The following KCNIP4 variants were observed in gnomAD, a reference collection of about 807,000 sequenced individuals.
The protein encoded by KCNIP4 is potassium voltage-gated channel interacting protein 4.
KCNIP4 carries 12 observed loss-of-function variants against 34.0 expected under a neutral mutation model. That is an observed-to-expected ratio of 0.35 (90% CI 0.23 to 0.57). The LOEUF (loss-of-function observed/expected upper bound fraction) is 0.57, where lower values mean the gene tolerates loss of function less well. KCNIP4 is among the 20% of genes least tolerant of loss of function. KCNIP4 has a pLI of 0.83. For synonymous variants in KCNIP4, 124 were observed against 102.2 expected, an observed-to-expected ratio of 1.21 and a Z score of -1.29; for missense variants, 238 against 311.7, an observed-to-expected ratio of 0.76 and a Z score of 1.78.
At chr4:21,095,315 A>G (rs1174326779) in intron 1 of KCNIP4, among the ~76,000 whole-genome samples, 1 of 152,216 alleles carries the variant, frequency 6.6e-6, no homozygotes, top group Admixed American at 6.5e-5. Flanking sequence ...GCTTCATTCC[A>G]CTAGCATATA....
intron 1 of KCNIP4, among the ~76,000 whole-genome samples, chr4:21,499,466 CA>C (rs1343028706): frequency 6.6e-6 from 1 of 151,850 alleles, no homozygotes; most frequent in Non-Finnish European, 1.5e-5. Flanking sequence ...TCTGTGGTAG[CA>C]TAAATGCTGA....
chr4:21,452,782 A>G (rs1185336431), intron 1 of KCNIP4, among the ~76,000 whole-genome samples: 2 of 151,790 alleles, frequency 1.3e-5, no homozygotes, highest in East Asian at 1.9e-4. Context: ...AAAAAAAAAA[A>G]AGAGAAGGAA....
At chr4:21,803,653 T>G (rs1197093834) in intron 1 of KCNIP4, among the ~76,000 whole-genome samples, 5 of 152,132 alleles carry the variant, frequency 3.3e-5, no homozygotes, top group Non-Finnish European at 7.4e-5. Flanking sequence ...CTCAGGTCCT[T>G]TCCCTTTGCC....
chr4:21,032,890 T>C (rs184533827), intron 1 of KCNIP4, among the ~76,000 whole-genome samples: 128 of 152,010 alleles, frequency 8.4e-4, no homozygotes, highest in Non-Finnish European at 1.6e-3. Flanking sequence ...TTTAAGAAAA[T>C]AGACTCTGCA....
intron 1 of KCNIP4, among the ~76,000 whole-genome samples, chr4:21,291,917 AAG>A (rs1444294539): frequency 4.4e-5 from 4 of 90,092 alleles, no homozygotes; most frequent in Non-Finnish European, 7.9e-5. Context: ...GAAAGAAAGA[AAG>A]AAAGAAAGAA....
rs549620860 is a variant in KCNIP4 at position 20,810,932 on chromosome 4, G to A, written c.288+39611C>T. Among the ~76,000 whole-genome samples the A allele has an allele frequency of 9.9e-5, 15 of 152,214 alleles. 1 individual carries two copies. Among genetic ancestry groups the A allele is most frequent in the South Asian group, 4.1e-4 (2 of 4,820 alleles). On this transcript the variant is annotated intron_variant, in intron 3 of 8. Coordinates refer to ENST00000382152, the MANE Select transcript of KCNIP4 (RefSeq NM_025221.6). Reference sequence around the variant, plus strand: ...GCCTTCAGGGATTTGGGAAGTTAGCGTACTGGGACAGAGGCATTGATGATA... The same window carrying A: ...GCCTTCAGGGATTTGGGAAGTTAGCATACTGGGACAGAGGCATTGATGATA...
intron 4 of KCNIP4, among the ~76,000 whole-genome samples, chr4:20,756,634 C>T (rs1754486566): frequency 6.6e-6 from 1 of 151,864 alleles, no homozygotes; most frequent in Non-Finnish European, 1.5e-5. Context: ...TGCAATTTGG[C>T]TTCTGCTTGT....
intron 1 of KCNIP4, among the ~76,000 whole-genome samples, chr4:21,748,808 A>G (rs945220430): frequency 3.3e-5 from 5 of 152,126 alleles, no homozygotes; most frequent in African/African-American, 1.2e-4. Flanking sequence ...TTTCTGATTG[A>G]AAAAAATAAA....
At chr4:21,621,113 G>A (rs1276576693) in intron 1 of KCNIP4, among the ~76,000 whole-genome samples, 1 of 152,154 alleles carries the variant, frequency 6.6e-6, no homozygotes, top group African/African-American at 2.4e-5. Flanking sequence ...CAAGCAAAAA[G>A]CAATAAATAG....
chr4:20,971,992 ACTG>A (rs1734999823), intron 1 of KCNIP4, among the ~76,000 whole-genome samples: 1 of 152,184 alleles, frequency 6.6e-6, no homozygotes, highest in Non-Finnish European at 1.5e-5. Flanking sequence ...ATCTCAAGAA[ACTG>A]CTTTCTTTGT....
chr4:21,290,788 G>A (rs1307748779), intron 1 of KCNIP4, among the ~76,000 whole-genome samples: 1 of 152,170 alleles, frequency 6.6e-6, no homozygotes, highest in Non-Finnish European at 1.5e-5. Context: ...CATTGGTTAT[G>A]ACAGAGCCTT....
At chr4:20,778,180 G>C (rs1283031999) in intron 3 of KCNIP4, among the ~76,000 whole-genome samples, 1 of 152,132 alleles carries the variant, frequency 6.6e-6, no homozygotes, top group African/African-American at 2.4e-5. Flanking sequence ...GGCTGTGTAG[G>C]CTTGCATCTA....
At chr4:21,035,384 TGTAGCAACAA>T (rs1741364286) in intron 1 of KCNIP4, among the ~76,000 whole-genome samples, 1 of 152,242 alleles carries the variant, frequency 6.6e-6, no homozygotes, top group South Asian at 2.1e-4. Flanking sequence ...CATTGTTCTC[TGTAGCAACAA>T]TAACAAGCAA....
At chr4:21,072,403 A>G (rs147275897) in intron 1 of KCNIP4, among the ~76,000 whole-genome samples, 3,304 of 151,946 alleles carry the variant, frequency 0.022, 131 homozygotes, top group African/African-American at 0.075. Flanking sequence ...GTGATGATGA[A>G]CATTTTTTCA....
chr4:21,793,332 C>T (rs533528502), intron 1 of KCNIP4, among the ~76,000 whole-genome samples: 1 of 152,220 alleles, frequency 6.6e-6, no homozygotes, highest in East Asian at 1.9e-4. Flanking sequence ...TCACTGCAAC[C>T]TTTCAACCTC....
At chr4:20,912,452 A>C (rs1157118549) in intron 1 of KCNIP4, among the ~76,000 whole-genome samples, 1 of 152,182 alleles carries the variant, frequency 6.6e-6, no homozygotes, top group Admixed American at 6.5e-5. Context: ...GCAGTGGCTC[A>C]CACCTGTAAC....
In KCNIP4 at chr4:21,392,089, T is replaced by C. The variant is rs116679788; in HGVS notation, c.62-509380A>G. Among the ~76,000 whole-genome samples, 311 of 152,308 alleles carry C rather than the reference T, an allele frequency of 2.0e-3. 1 individual carries two copies. Among genetic ancestry groups the C allele is most frequent in the African/African-American group, 7.3e-3 (304 of 41,578 alleles). On this transcript the variant is annotated intron_variant, in intron 1 of 8. Transcript: ENST00000382152. ...ATTTTACTGAGACTACCAACACTCA[T>C]ACATCTTGCAGGAGATAGACTCTTC... is the stretch of plus-strand genomic sequence containing the variant.
chr4:21,358,694 G>A (rs1221947700), intron 1 of KCNIP4, among the ~76,000 whole-genome samples: 1 of 152,098 alleles, frequency 6.6e-6, no homozygotes, highest in Admixed American at 6.6e-5. Flanking sequence ...AAGCTAAAGG[G>A]AAAAGTCAAG....
chr4:21,940,803 T>A (rs1370764566), intron 1 of KCNIP4, among the ~76,000 whole-genome samples: 1 of 152,166 alleles, frequency 6.6e-6, no homozygotes, highest in Non-Finnish European at 1.5e-5. Flanking sequence ...TAATACTATA[T>A]CTCACAGAGT....
Sources: gnomAD v4.1 joint callset for allele counts (sites outside exome capture counted in the v4.1 genomes callset) on GRCh38, gnomAD v4.1.1 for gene constraint, MANE v1.5 for transcripts, NCBI Gene and HGNC (gene_info 2026-07-23, HGNC 2026-07-21) for gene names.